SFXN5: variants seen among roughly 807,000 people sequenced by gnomAD.
The protein encoded by SFXN5 is sideroflexin 5.
A neutral mutation model predicts 50.2 loss-of-function variants in SFXN5; 43 were observed. The observed-to-expected ratio is 0.86, with a 90% CI of 0.67 to 1.11. The LOEUF (loss-of-function observed/expected upper bound fraction) is 1.11, where lower values mean the gene tolerates loss of function less well. SFXN5 is among the 50% of genes least tolerant of loss of function. SFXN5 has a pLI of 0.00. For synonymous variants in SFXN5, 203 were observed against 185.8 expected, an observed-to-expected ratio of 1.09 and a Z score of -0.75; for missense variants, 463 against 454.1, an observed-to-expected ratio of 1.02 and a Z score of -0.18.
intron 1 of SFXN5, among the ~76,000 whole-genome samples, chr2:73,066,320 G>A (rs1309256992): frequency 2.0e-5 from 3 of 152,190 alleles, no homozygotes; most frequent in Non-Finnish European, 4.4e-5. Flanking sequence ...CACTTTGGGA[G>A]GCCGAGGCGG....
At chr2:73,058,400 T>C in intron 2 of SFXN5, 128 bp downstream of exon 2, 1 of 800,296 alleles carries the variant, frequency 1.2e-6, no homozygotes, top group Non-Finnish European at 2.1e-6. Context: ...ATTTGTTACC[T>C]TCCTCTCACC....
At chr2:72,975,227 T>C (rs1670497182) in intron 10 of SFXN5, among the ~76,000 whole-genome samples, 1 of 152,174 alleles carries the variant, frequency 6.6e-6, no homozygotes, top group South Asian at 2.1e-4. Context: ...ATGCAGATTG[T>C]GAAAAGCTAA....
At chr2:73,060,923 G>A (rs951216301) in intron 1 of SFXN5, among the ~76,000 whole-genome samples, 11 of 151,754 alleles carry the variant, frequency 7.2e-5, no homozygotes, top group Admixed American at 2.6e-4. Context: ...GGATGGTCTC[G>A]ATCTCCTGAC....
chr2:73,009,154 G>A (rs1209249941), intron 6 of SFXN5, among the ~76,000 whole-genome samples: 11 of 152,316 alleles, frequency 7.2e-5, no homozygotes, highest in Non-Finnish European at 7.4e-5. Context: ...AGCATTTTTA[G>A]TGGCTTCTGC....
intron 3 of SFXN5, among the ~76,000 whole-genome samples, chr2:73,038,459 T>C (rs546950914): frequency 6.6e-6 from 1 of 152,150 alleles, no homozygotes; most frequent in African/African-American, 2.4e-5. Flanking sequence ...ATAAACACCA[T>C]ACATTTAAGC....
At chr2:73,053,749 C>T (rs919507515) in intron 2 of SFXN5, among the ~76,000 whole-genome samples, 1 of 152,152 alleles carries the variant, frequency 6.6e-6, no homozygotes, top group Non-Finnish European at 1.5e-5. Context: ...GATCTTTCTA[C>T]TTCTGGACCC....
At chr2:72,967,720 G>A (rs974303949) in intron 12 of SFXN5, among the ~76,000 whole-genome samples, 18 of 152,116 alleles carry the variant, frequency 1.2e-4, no homozygotes, top group African/African-American at 4.3e-4. Flanking sequence ...CAAGCCAGGG[G>A]TCTGTAACTC....
chr2:72,959,938 G>A (rs1310813378), intron 13 of SFXN5, among the ~76,000 whole-genome samples: 1 of 152,092 alleles, frequency 6.6e-6, no homozygotes, highest in Non-Finnish European at 1.5e-5. Context: ...GACAGGGTTT[G>A]GCTACGTTGC....
At chr2:72,957,669 T>C (rs1673259121) in intron 13 of SFXN5, among the ~76,000 whole-genome samples, 2 of 152,276 alleles carry the variant, frequency 1.3e-5, no homozygotes, top group Non-Finnish European at 2.9e-5. Flanking sequence ...ATGTGAGACA[T>C]GATCCCTGTA....
rs73945741 is a variant in SFXN5 at position 73,063,020 on chromosome 2, G to A, written c.103-4424C>T. Among the ~76,000 whole-genome samples, 671 of 152,278 alleles carry A rather than the reference G, an allele frequency of 4.4e-3. 4 individuals are homozygous for A. The highest frequency in any genetic ancestry group is 0.014 in the African/African-American group (595 of 41,536). Reference sequence around the variant, plus strand: ...GGTCCTGGAGGTAGCAAGGCTGACCGACTGTGGGGAAATGAGGAAGAGCAG... The same window carrying A: ...GGTCCTGGAGGTAGCAAGGCTGACCAACTGTGGGGAAATGAGGAAGAGCAG... On this transcript the variant is annotated intron_variant, in intron 1 of 13. Transcript: ENST00000272433.
At chr2:72,976,615 T>C (rs1247621989) in intron 10 of SFXN5, among the ~76,000 whole-genome samples, 2 of 152,230 alleles carry the variant, frequency 1.3e-5, no homozygotes, top group Admixed American at 1.3e-4. Context: ...GCCACGATGC[T>C]GTGTTTAACA....
intron 2 of SFXN5, among the ~76,000 whole-genome samples, chr2:73,057,670 C>A (rs1462262180): frequency 6.6e-6 from 1 of 152,170 alleles, no homozygotes; most frequent in Non-Finnish European, 1.5e-5. Context: ...TGTGTCCCCA[C>A]CCAAACCTCA....
intron 13 of SFXN5, among the ~76,000 whole-genome samples, chr2:72,959,413 G>A (rs1040486848): frequency 6.6e-6 from 1 of 151,714 alleles, no homozygotes; most frequent in East Asian, 1.9e-4. Context: ...GAACAGGCCC[G>A]GCTGCACTCC....
At chr2:73,064,043 A>G (rs1172824651) in intron 1 of SFXN5, among the ~76,000 whole-genome samples, 1 of 152,150 alleles carries the variant, frequency 6.6e-6, no homozygotes, top group East Asian at 1.9e-4. Context: ...TGAGTCAGCT[A>G]ATTCTCAGCA....
chr2:72,963,543 G>A (rs573405392), intron 12 of SFXN5, among the ~76,000 whole-genome samples: 2 of 152,084 alleles, frequency 1.3e-5, no homozygotes, highest in Non-Finnish European at 2.9e-5. Flanking sequence ...GGGAAGGGAG[G>A]GGGGAGGAAA....
intron 3 of SFXN5, among the ~76,000 whole-genome samples, chr2:73,036,782 G>A (rs544227451): frequency 5.3e-5 from 8 of 152,326 alleles, no homozygotes; most frequent in South Asian, 2.1e-4. Flanking sequence ...AGAAGAACAC[G>A]AAAAGGGCTG....
At chr2:73,069,409 GA>G (rs1380462629) in intron 1 of SFXN5, among the ~76,000 whole-genome samples, 2 of 152,104 alleles carry the variant, frequency 1.3e-5, no homozygotes, top group Non-Finnish European at 1.5e-5. Flanking sequence ...GGAGAAGAAG[GA>G]AAGAACACAG....
chr2:73,041,645 A>G, intron 2 of SFXN5: 1 of 423,234 alleles, frequency 2.4e-6, no homozygotes, highest in Non-Finnish European at 4.8e-6. Context: ...AGCCTGGGGG[A>G]CAGTGCAAGA....
chr2:72,985,272 G>A (rs1282944150), intron 10 of SFXN5, among the ~76,000 whole-genome samples: 1 of 152,028 alleles, frequency 6.6e-6, no homozygotes, highest in Non-Finnish European at 1.5e-5. Context: ...GCCAGGTCTG[G>A]CCTAGCCTAC....
Sources: allele counts gnomAD v4.1 joint callset (sites outside exome capture counted in the v4.1 genomes callset), GRCh38; gene constraint gnomAD v4.1.1; transcripts MANE v1.5; gene names NCBI Gene and HGNC (gene_info 2026-07-23, HGNC 2026-07-21).